NR4A1: variants seen among roughly 807,000 people sequenced by gnomAD.
The protein encoded by NR4A1 is nuclear receptor subfamily 4immunitygroup A member 1.
A neutral mutation model predicts 47.5 loss-of-function variants in NR4A1; 24 were observed. The observed-to-expected ratio is 0.50, with a 90% confidence interval of 0.37 to 0.71. NR4A1 has a LOEUF of 0.71. Among genes scored for constraint, NR4A1 ranks in the 30% least tolerant of loss-of-function variants. The pLI is 0.00. For missense variants in NR4A1, 669 were observed against 788.6 expected (o/e 0.85, Z 1.82); for synonymous variants, 353 against 345.7 (o/e 1.02, Z -0.24).
chr12:52,052,424 C>G, intron 1 of NR4A1: 1 of 959,014 alleles, frequency 1.0e-6, no homozygotes, highest in South Asian at 4.8e-5. Context: ...AGGATACCTC[C>G]CAACCATTCC....
intron 1 of NR4A1, among the ~76,000 whole-genome samples, chr12:52,030,060 G>A (rs1300200331): frequency 1.3e-5 from 2 of 152,188 alleles, no homozygotes; most frequent in Admixed American, 1.3e-4. Flanking sequence ...TTCCAGCTTG[G>A]GCAAGAAGGA....
chr12:52,051,469 T>TG lies in NR4A1; in HGVS notation c.-97dup, dbSNP rs1315782978. The TG allele has an allele frequency of 4.5e-5, 44 of 985,124 alleles. No individual in the cohort carries two copies. Among genetic ancestry groups the TG allele is most frequent in the Non-Finnish European group, 5.3e-5 (44 of 829,970 alleles). The allele number at this position is 985,124 out of a possible 1,614,324, so 61.0% of individuals were successfully genotyped here. ...TCCCAGTGGCGGAGGCTACGAAACT[T>TG]GGGGGAGTGCACAGAAGAACTTCGG... On this transcript the variant is annotated 5_prime_UTR_variant, in exon 1 of 7. Transcript: ENST00000394825.
At chr12:52,047,876 C>T (rs987214789), upstream of NR4A1, among the ~76,000 whole-genome samples, 9 of 152,160 alleles carry the variant, frequency 5.9e-5, no homozygotes, top group South Asian at 8.3e-4. Context: ...AAGGCTGGGC[C>T]GAGGGCGGTG....
intron 1 of NR4A1, among the ~76,000 whole-genome samples, chr12:52,040,421 T>C (rs1938390615): frequency 1.3e-5 from 2 of 151,440 alleles, no homozygotes; most frequent in South Asian, 4.2e-4. Context: ...AGTGGGGTGG[T>C]AGGGAGAAAA....
chr12:52,057,709 C>G (rs1397274065), intron 6 of NR4A1, among the ~76,000 whole-genome samples, 179 bp downstream of exon 6: 5 of 152,220 alleles, frequency 3.3e-5, no homozygotes, highest in African/African-American at 1.2e-4. Flanking sequence ...CAGATGGGCT[C>G]AGCTGCATCC....
At chr12:52,047,849 A>C (rs1402632970), upstream of NR4A1, among the ~76,000 whole-genome samples, 1 of 152,186 alleles carries the variant, frequency 6.6e-6, no homozygotes. Flanking sequence ...GGCTGGTTCA[A>C]CTCTCAAAGA....
chr12:52,057,120 G>A lies in NR4A1; in HGVS notation c.1222G>A (p.Asp408Asn), dbSNP rs377447631. 81 of 1,613,464 alleles carry A rather than the reference G, an allele frequency of 5.0e-5. No individual in the cohort carries two copies. Among genetic ancestry groups the A allele is most frequent in the Non-Finnish European group, 6.4e-5 (76 of 1,179,780 alleles). Residue 408 changes from aspartate to asparagine, a missense_variant, in exon 5 of 7, where the codon GAC becomes AAC. Coordinates refer to ENST00000394825, the MANE Select transcript of NR4A1 (RefSeq NM_173157.3). ...TGCTGGGGATGTACAGCAGTTCTAC[G>A]ACCTGCTCTCCGGTTCTCTGGAGGT... ...EDAGDVQQFY[D>N]LLSGSLEVIR...
chr12:52,051,329 G>GC (rs1244282066), upstream of NR4A1: 19 of 887,398 alleles, frequency 2.1e-5, no homozygotes, highest in Admixed American at 2.5e-4. Context: ...GAACCGCACC[G>GC]CCCCCCGCGC....
chr12:52,044,029 C>CTTGGGCTGCGGG, intron 2 of NR4A1: 1 of 819,604 alleles, frequency 1.2e-6, no homozygotes, highest in Non-Finnish European at 1.7e-6. Context: ...CAAGGGTGGC[C>CTTGGGCTGCGGG]GACAACTGGA....
Position 52,036,995 on chromosome 12 carries a change from G to A in NR4A1, c.-83-4815G>A, listed in dbSNP as rs114747272. On this transcript the variant is annotated intron_variant, in intron 1 of 7. Coordinates refer to the NR4A1 transcript ENST00000360284. ...GGTTATGTAACCGGGTGTGCGGCGT[G>A]GGGGGAGCCGCGGGGCGGGGCGCTC... Among the ~76,000 whole-genome samples the A allele has an allele frequency of 5.0e-3, 767 of 152,262 alleles. 9 individuals carry two copies. The highest frequency in any genetic ancestry group is 0.017 in the African/African-American group (717 of 41,560).
At chr12:52,027,188 G>A (rs1352545381) in intron 1 of NR4A1, among the ~76,000 whole-genome samples, 1 of 152,214 alleles carries the variant, frequency 6.6e-6, no homozygotes, top group African/African-American at 2.4e-5. Flanking sequence ...CTTCCAGCCC[G>A]TTACATAAGC....
At chr12:52,055,733 A>T (rs1939227698) in intron 2 of NR4A1, 2 of 201,020 alleles carry the variant, frequency 9.9e-6, no homozygotes, top group South Asian at 2.5e-4. Flanking sequence ...AGGCAGGTGG[A>T]CAAGGGCCCA....
chr12:52,026,192 T>A (rs1333935346), intron 1 of NR4A1, among the ~76,000 whole-genome samples: 1 of 152,196 alleles, frequency 6.6e-6, no homozygotes, highest in East Asian at 1.9e-4. Context: ...CAGGAGTGCA[T>A]GGGAAATGTT....
chr12:52,028,827 C>G (rs985619221), intron 1 of NR4A1, among the ~76,000 whole-genome samples: 4 of 151,994 alleles, frequency 2.6e-5, no homozygotes, highest in African/African-American at 4.8e-5. Context: ...TACTTGAACC[C>G]GGGAAGCGGA....
At chr12:52,028,546 C>A (rs1938049697) in intron 1 of NR4A1, among the ~76,000 whole-genome samples, 2 of 151,932 alleles carry the variant, frequency 1.3e-5, no homozygotes, top group Admixed American at 1.3e-4. Context: ...TGCACTCCAG[C>A]CTCGTGACAG....
intron 1 of NR4A1, 97 bp from the exon 2 acceptor site, chr12:52,054,230 C>T (rs1477346399): frequency 9.5e-7 from 1 of 1,057,684 alleles, no homozygotes; most frequent in Non-Finnish European, 1.4e-6. Flanking sequence ...GGGATTCCTG[C>T]CACCTTGCTG....
rs1444881312 is a variant in NR4A1 at position 52,054,581 on chromosome 12, G to T, written c.253G>T (p.Ala85Ser). 6.2e-7 allele frequency: 1 copy of T among 1,613,938 alleles called. No homozygotes were observed. Among genetic ancestry groups the T allele is most frequent in the Non-Finnish European group, 8.5e-7 (1 of 1,179,992 alleles). Residue 85 changes from alanine to serine, a missense_variant, in exon 2 of 7, where the codon GCC becomes TCC. By Grantham distance (99) the Ala-to-Ser change is moderately conservative (BLOSUM62 1). Transcript: ENST00000394825. ...VQPCSSASSS[A>S]SSTSSSSATS... Reference sequence around the variant, plus strand: ...GCCATGCTCCTCAGCCTCCTCCTCGGCCTCCTCCACATCCTCGTCCTCAGC... The same window carrying T: ...GCCATGCTCCTCAGCCTCCTCCTCGTCCTCCTCCACATCCTCGTCCTCAGC...
At chr12:52,035,546 T>A (rs1938216898) in intron 1 of NR4A1, among the ~76,000 whole-genome samples, 1 of 151,906 alleles carries the variant, frequency 6.6e-6, no homozygotes, top group Non-Finnish European at 1.5e-5. Flanking sequence ...GCTGCTGGGG[T>A]AGGAAACAGG....
At chr12:52,024,239 G>A (rs566562356) in intron 1 of NR4A1, among the ~76,000 whole-genome samples, 33 of 152,358 alleles carry the variant, frequency 2.2e-4, no homozygotes, top group African/African-American at 7.9e-4. Context: ...CAGCCCCACA[G>A]TGGAAGGAAA....
Sources: allele counts gnomAD v4.1 joint callset (sites outside exome capture counted in the v4.1 genomes callset), GRCh38; gene constraint gnomAD v4.1.1; transcripts MANE v1.5; gene names NCBI Gene and HGNC (gene_info 2026-07-23, HGNC 2026-07-21).